LRRIQ3: variants seen among roughly 807,000 people sequenced by gnomAD.
The protein encoded by LRRIQ3 is leucine rich repeats and IQ motif containing 3.
LRRIQ3 carries 75 observed loss-of-function variants against 59.3 expected under a neutral mutation model. The observed-to-expected ratio is 1.26, with a 90% confidence interval of 1.05 to 1.53. The LOEUF (loss-of-function observed/expected upper bound fraction) is 1.53, where lower values mean the gene tolerates loss of function less well. Ranked by LOEUF, LRRIQ3 falls within the 40% of genes most tolerant of loss-of-function variation. The pLI, the probability that LRRIQ3 is intolerant of heterozygous loss-of-function variation, is 0.00. For synonymous variants in LRRIQ3, 250 were observed against 231.3 expected, an observed-to-expected ratio of 1.08 and a Z score of -0.73; for missense variants, 831 against 710.0, an observed-to-expected ratio of 1.17 and a Z score of -1.94.
At chr1:74,154,279 A>AAAAAAAAAAG (rs1648187710) in intron 4 of LRRIQ3, among the ~76,000 whole-genome samples, 1 of 132,446 alleles carries the variant, frequency 7.6e-6, no homozygotes, top group African/African-American at 2.9e-5. Flanking sequence ...AAAAAAAAAA[A>AAAAAAAAAAG]TGTAATATCT....
chr1:74,171,193 G>T (rs1331771738), intron 3 of LRRIQ3, among the ~76,000 whole-genome samples: 1 of 151,908 alleles, frequency 6.6e-6, no homozygotes, highest in Non-Finnish European at 1.5e-5. Flanking sequence ...ATACTATGTT[G>T]AATAGAGGCA....
intron 6 of LRRIQ3, among the ~76,000 whole-genome samples, chr1:74,046,455 C>T (rs1473324728): frequency 1.3e-5 from 2 of 152,092 alleles, no homozygotes; most frequent in Non-Finnish European, 2.9e-5. Context: ...AAAATTAACT[C>T]AAGATGGATT....
intron 4 of LRRIQ3, among the ~76,000 whole-genome samples, chr1:74,129,445 G>A (rs993362375): frequency 1.2e-4 from 18 of 151,998 alleles, no homozygotes; most frequent in African/African-American, 4.3e-4. Context: ...TTAGCTTGTG[G>A]TAAATGCTGC....
At chr1:74,050,258 G>T (rs532104587) in intron 6 of LRRIQ3, among the ~76,000 whole-genome samples, 1 of 152,006 alleles carries the variant, frequency 6.6e-6, no homozygotes, top group Non-Finnish European at 1.5e-5. Flanking sequence ...GATAATACTT[G>T]AAGTACAGGT....
intron 4 of LRRIQ3, among the ~76,000 whole-genome samples, chr1:74,112,786 A>G (rs1249732726): frequency 6.6e-6 from 1 of 152,164 alleles, no homozygotes; most frequent in Non-Finnish European, 1.5e-5. Flanking sequence ...AGACTTCACT[A>G]AAATAGTCCA....
At position 74,174,076 on chromosome 1, in the gene LRRIQ3, G is replaced by A. The variant is rs181923759; in HGVS notation, c.573+8462C>T. ...CCATTTCTTTCTCCAGATTTGTGAC[G>A]TGTTCAGTCATTATTTTATACACTT... On this transcript the variant is annotated intron_variant, in intron 3 of 7. Coordinates refer to ENST00000354431, the MANE Select transcript of LRRIQ3 (RefSeq NM_001105659.2). Among the ~76,000 whole-genome samples the A allele has an allele frequency of 2.7e-3, 412 of 151,962 alleles. 2 individuals are homozygous for A. Among genetic ancestry groups the A allele is most frequent in the African/African-American group, 9.1e-3 (378 of 41,458 alleles).
At chr1:74,141,279 T>C (rs1428668292) in intron 4 of LRRIQ3, among the ~76,000 whole-genome samples, 1 of 151,836 alleles carries the variant, frequency 6.6e-6, no homozygotes, top group Non-Finnish European at 1.5e-5. Flanking sequence ...TTTTAAAAAA[T>C]ATACTTCAGT....
intron 4 of LRRIQ3, among the ~76,000 whole-genome samples, chr1:74,121,797 G>T (rs4323656): frequency 0.85 from 124,495 of 145,738 alleles, 53,768 homozygotes; most frequent in East Asian, 0.97. Flanking sequence ...TGTGTTCTCA[G>T]TGTTCAATTC....
chr1:74,193,292 A>G (rs1364903802), intron 1 of LRRIQ3, among the ~76,000 whole-genome samples: 2 of 152,180 alleles, frequency 1.3e-5, no homozygotes, highest in African/African-American at 4.8e-5. Flanking sequence ...CAAGTCTCCA[A>G]CCACAGTTTC....
At chr1:74,094,546 C>A (rs915272705) in intron 5 of LRRIQ3, among the ~76,000 whole-genome samples, 2 of 152,132 alleles carry the variant, frequency 1.3e-5, no homozygotes, top group Non-Finnish European at 2.9e-5. Flanking sequence ...CATGTAAACA[C>A]TTTGATTTAG....
chr1:74,129,983 C>T (rs1007728156), intron 4 of LRRIQ3, among the ~76,000 whole-genome samples: 5 of 151,914 alleles, frequency 3.3e-5, no homozygotes, highest in Admixed American at 3.3e-4. Flanking sequence ...AAAAAAAGTC[C>T]TCCTTACTTA....
At chr1:74,149,609 T>G (rs567863283) in intron 4 of LRRIQ3, among the ~76,000 whole-genome samples, 2 of 152,314 alleles carry the variant, frequency 1.3e-5, no homozygotes, top group Non-Finnish European at 2.9e-5. Context: ...AATATATTAA[T>G]TTTTTCATGT....
chr1:74,136,651 C>A (rs1647129254), intron 4 of LRRIQ3, among the ~76,000 whole-genome samples: 1 of 151,856 alleles, frequency 6.6e-6, no homozygotes. Context: ...ACCTTCTTAT[C>A]CACCATTCAA....
intron 4 of LRRIQ3, among the ~76,000 whole-genome samples, chr1:74,132,339 C>A (rs1647037533): frequency 6.6e-6 from 1 of 151,888 alleles, no homozygotes; most frequent in Admixed American, 6.6e-5. Flanking sequence ...CATCAAACTA[C>A]CAATGACTTT....
chr1:74,045,803 C>A (rs1225296017), intron 6 of LRRIQ3, among the ~76,000 whole-genome samples: 3 of 151,988 alleles, frequency 2.0e-5, no homozygotes, highest in Admixed American at 2.0e-4. Flanking sequence ...CACAAGTACT[C>A]CTATATACCA....
At chr1:74,177,770 T>A (rs1451826567) in intron 3 of LRRIQ3, among the ~76,000 whole-genome samples, 1 of 152,040 alleles carries the variant, frequency 6.6e-6, no homozygotes, top group African/African-American at 2.4e-5. Context: ...TAGTAATTAC[T>A]ACTATATAAT....
chr1:74,076,650 T>C (rs1646213642), intron 5 of LRRIQ3, among the ~76,000 whole-genome samples: 1 of 152,072 alleles, frequency 6.6e-6, no homozygotes, highest in African/African-American at 2.4e-5. Context: ...ATATGTGCCT[T>C]GGTCCCCTGT....
chr1:74,026,403 G>A lies in LRRIQ3; in HGVS notation c.*410C>T, dbSNP rs1205553207. On this transcript the variant is annotated 3_prime_UTR_variant, in exon 8 of 8. Coordinates refer to ENST00000354431, the MANE Select transcript of LRRIQ3 (RefSeq NM_001105659.2). ...AAATATATAAAAGCAGGTAATAAAA[G>A]TCATCAACGTACACAGTGTCTTAAT... 6.6e-6 allele frequency: 1 copy of A among 152,506 alleles called. No homozygotes were observed. The highest frequency in any genetic ancestry group is 1.5e-5 in the Non-Finnish European group (1 of 68,316). 9.4% of individuals were successfully genotyped at this position (152,506 alleles called of 1,614,324 possible).
At chr1:74,127,867 T>C (rs1646959056) in intron 4 of LRRIQ3, among the ~76,000 whole-genome samples, 1 of 152,008 alleles carries the variant, frequency 6.6e-6, no homozygotes, top group Non-Finnish European at 1.5e-5. Flanking sequence ...CTTTTCTTTC[T>C]GGTTGAAGTA....
Sources: gnomAD v4.1 joint callset for allele counts (sites outside exome capture counted in the v4.1 genomes callset) on GRCh38, gnomAD v4.1.1 for gene constraint, MANE v1.5 for transcripts, NCBI Gene and HGNC (gene_info 2026-07-23, HGNC 2026-07-21) for gene names.